Variants in GLDC observed in about 807,000 individuals in gnomAD.
The protein encoded by GLDC is glycine dehydrogenase (decarboxylating), mitochondrial.
Under a neutral mutation model 121.3 loss-of-function variants are expected in GLDC, and 104 were observed. That is an observed-to-expected ratio of 0.86 (90% CI 0.73 to 1.01). GLDC has a LOEUF of 1.01. Ranked by LOEUF, GLDC falls within the 50% of genes least tolerant of loss-of-function variation. GLDC has a pLI of 0.00. For missense variants in GLDC, 1,429 were observed against 1,306.6 expected, an observed-to-expected ratio of 1.09 and a Z score of -1.44; for synonymous variants, 546 against 480.6, an observed-to-expected ratio of 1.14 and a Z score of -1.78.
At chr9:6,581,027 G>A (rs1818161400) in intron 15 of GLDC, among the ~76,000 whole-genome samples, 1 of 152,140 alleles carries the variant, frequency 6.6e-6, no homozygotes, top group Non-Finnish European at 1.5e-5. Context: ...AAGCATCTCT[G>A]CCTCTCCACC....
intron 15 of GLDC, among the ~76,000 whole-genome samples, chr9:6,581,718 T>C (rs192594221): frequency 6.6e-6 from 1 of 151,956 alleles, no homozygotes. Flanking sequence ...GGACTAAGAG[T>C]GGATAAAGGT....
At chr9:6,536,342 A>G (rs1235369303) in intron 22 of GLDC, 106 bp from the exon 23 acceptor site, 3 of 1,012,050 alleles carry the variant, frequency 3.0e-6, no homozygotes, top group Non-Finnish European at 4.6e-6. Flanking sequence ...GAAAATCATC[A>G]GATACATTTG....
chr9:6,629,933 A>ATATATATATG (rs1563870140), intron 2 of GLDC, among the ~76,000 whole-genome samples: 17 of 88,658 alleles, frequency 1.9e-4, no homozygotes, highest in African/African-American at 1.0e-3. Context: ...TTTTCACTAT[A>ATATATATATG]TATATATATA....
intron 2 of GLDC, among the ~76,000 whole-genome samples, chr9:6,632,618 T>C (rs1256560820): frequency 6.6e-6 from 1 of 152,216 alleles, no homozygotes; most frequent in Non-Finnish European, 1.5e-5. Flanking sequence ...ACATGAAGAA[T>C]AGAAGTCACA....
chr9:6,534,182 CAAAA>C (rs1225665276), intron 24 of GLDC: 38 of 56,662 alleles, frequency 6.7e-4, no homozygotes, highest in South Asian at 2.7e-3. Context: ...GACTCCGTCT[CAAAA>C]AAAAAAAAAA....
chr9:6,554,619 C>T, intron 19 of GLDC, 50 bp downstream of exon 19: 1 of 1,257,732 alleles, frequency 8.0e-7, no homozygotes, highest in Non-Finnish European at 1.2e-6. Flanking sequence ...TAGGGCCACT[C>T]CTTCATTCTG....
intron 8 of GLDC, among the ~76,000 whole-genome samples, chr9:6,600,574 G>A (rs1185477570): frequency 6.6e-6 from 1 of 151,884 alleles, no homozygotes; most frequent in African/African-American, 2.4e-5. Flanking sequence ...GGAGGCTGAG[G>A]CACAAGAATC....
intron 21 of GLDC, among the ~76,000 whole-genome samples, chr9:6,549,949 C>T (rs1056821973): frequency 2.0e-5 from 3 of 152,208 alleles, no homozygotes; most frequent in Non-Finnish European, 2.9e-5. Context: ...CTTCCAAGGC[C>T]TTCAAGGCCC....
intron 23 of GLDC, among the ~76,000 whole-genome samples, chr9:6,535,052 C>T (rs536124965): frequency 6.6e-6 from 1 of 152,272 alleles, no homozygotes; most frequent in South Asian, 2.1e-4. Flanking sequence ...AAAAAATTAC[C>T]TACACGTTTG....
In GLDC at chr9:6,556,317, G is replaced by C; in HGVS notation, c.2053-15C>G. On this transcript the variant is annotated splice_polypyrimidine_tract_variant and intron_variant, in intron 17 of 24. Coordinates refer to ENST00000321612, the MANE Select transcript of GLDC (RefSeq NM_000170.3). ...TGCTTATCCACCTGTGAAAGAAAAG[G>C]GGTAGAGAAGGACATGGAGGGAGGA... is the stretch of plus-strand genomic sequence containing the variant. 1.9e-6 allele frequency: 3 copies of C among 1,609,584 alleles called. No homozygotes were observed. The highest frequency in any genetic ancestry group is 2.7e-5 in the African/African-American group (2 of 74,928).
rs1223060126 is a variant in GLDC, at chr9:6,560,670, A to C, written c.1927-1986T>G. On this transcript the variant is annotated intron_variant, in intron 16 of 24. Coordinates refer to ENST00000321612, the MANE Select transcript of GLDC (RefSeq NM_000170.3). ...AAATATAAAATATTCATAGAAAGCC[A>C]AAATGAAGAATTCATACCAGGTGAG... is the stretch of plus-strand genomic sequence containing the variant. Among the ~76,000 whole-genome samples the C allele has an allele frequency of 2.6e-5, 4 of 152,238 alleles. No homozygotes were observed. The East Asian group carries it at 7.7e-4, about 29-fold the overall frequency.
At chr9:6,547,706 AG>A (rs1369397315) in intron 21 of GLDC, among the ~76,000 whole-genome samples, 1 of 152,252 alleles carries the variant, frequency 6.6e-6, no homozygotes, top group African/African-American at 2.4e-5. Flanking sequence ...ATGCAAACAA[AG>A]GGAAGAAAAA....
intron 15 of GLDC, among the ~76,000 whole-genome samples, chr9:6,574,063 G>C (rs1818015851): frequency 6.6e-6 from 1 of 152,152 alleles, no homozygotes; most frequent in Non-Finnish European, 1.5e-5. Context: ...TTTGACATAA[G>C]TTTAGTTCCA....
chr9:6,587,393 C>T (rs1818292689), intron 14 of GLDC, 110 bp from the exon 15 acceptor site: 1 of 813,242 alleles, frequency 1.2e-6, no homozygotes, highest in East Asian at 2.7e-5. Context: ...AGGCACTGTT[C>T]TAAGCGCTAT....
chr9:6,541,902 A>G (rs1035976778), intron 21 of GLDC: 9 of 145,664 alleles, frequency 6.2e-5, no homozygotes, highest in Non-Finnish European at 8.9e-5. Context: ...CTGAAACTGC[A>G]TATTTTTAAA....
intron 2 of GLDC, among the ~76,000 whole-genome samples, chr9:6,626,530 A>T (rs922279407): frequency 6.6e-6 from 1 of 152,220 alleles, no homozygotes; most frequent in East Asian, 1.9e-4. Context: ...GTGGGTCTTT[A>T]TAATTAATTA....
chr9:6,589,537 C>T (rs1818336588), intron 11 of GLDC, among the ~76,000 whole-genome samples: 1 of 152,134 alleles, frequency 6.6e-6, no homozygotes, highest in Non-Finnish European at 1.5e-5. Context: ...GCTCAATCCT[C>T]CTACCTCAGT....
In GLDC at chr9:6,592,802, C is replaced by CG. The variant is rs374237787; in HGVS notation, c.1401+48_1401+49insC. 55,072 of 1,556,974 alleles carry CG rather than the reference C, an allele frequency of 0.035. 1,155 individuals carry two copies. Among genetic ancestry groups the CG allele is most frequent in the Non-Finnish European group, 0.042 (47,190 of 1,131,732 alleles). ...AAAGAGAAAACCTTTTAATGAGAAA[C>CG]AATGTGAAAATTTGAAAAACTGGTA... On this transcript the variant is annotated intron_variant, in intron 10 of 24. Transcript: ENST00000321612.
At chr9:6,633,568 A>G (rs1221918922) in intron 2 of GLDC, among the ~76,000 whole-genome samples, 1 of 152,008 alleles carries the variant, frequency 6.6e-6, no homozygotes, top group Non-Finnish European at 1.5e-5. Flanking sequence ...TACCCCATCT[A>G]GAAACTGACT....
Sources: allele counts gnomAD v4.1 joint callset (sites outside exome capture counted in the v4.1 genomes callset), GRCh38; gene constraint gnomAD v4.1.1; transcripts MANE v1.5; gene names NCBI Gene and HGNC (gene_info 2026-07-23, HGNC 2026-07-21).